TREM1: variants seen among roughly 807,000 people sequenced by gnomAD.
TREM1 encodes triggering receptor expressed on monocytes 1.
A neutral mutation model predicts 22.4 loss-of-function variants in TREM1; 16 were observed. That is an observed-to-expected ratio of 0.71 (90% confidence interval 0.48 to 1.08). The LOEUF is 1.08. Ranked by LOEUF, TREM1 falls within the 50% of genes least tolerant of loss-of-function variation. The pLI is 0.00. For synonymous variants in TREM1, 110 were observed against 111.6 expected (o/e 0.99, Z 0.09); for missense variants, 283 against 282.9 (o/e 1.00, Z 0.00).
At chr6:41,270,916 G>A (rs1158185155), downstream of TREM1, among the ~76,000 whole-genome samples, 1 of 152,154 alleles carries the variant, frequency 6.6e-6, no homozygotes, top group East Asian at 1.9e-4. Context: ...ATGTTGCCCA[G>A]ACTGGTCTCG....
At chr6:41,277,072 T>TAAA (rs3842496) in intron 3 of TREM1, among the ~76,000 whole-genome samples, 31 of 147,688 alleles carry the variant, frequency 2.1e-4, no homozygotes, top group African/African-American at 7.5e-4. Flanking sequence ...TTAAATAAAA[T>TAAA]AAAAAAAAAA....
At chr6:41,267,591 TAA>T (rs372548135), downstream of TREM1, among the ~76,000 whole-genome samples, 994 of 151,836 alleles carry the variant, frequency 6.5e-3, 15 homozygotes, top group African/African-American at 0.023. Context: ...TAGTAAAGAT[TAA>T]AAAAAACACA....
chr6:41,276,058 C>G lies in TREM1; in HGVS notation c.*67G>C. 1 of 1,230,184 alleles carries G rather than the reference C, an allele frequency of 8.1e-7. No homozygotes were observed. Among genetic ancestry groups the G allele is most frequent in the Non-Finnish European group, 1.2e-6 (1 of 830,894 alleles). 76.2% of individuals were successfully genotyped at this position (1,230,184 alleles called of 1,614,324 possible). A position where few individuals can be genotyped will look rare whatever the true frequency, so the allele number is the denominator to read the frequency against. On this transcript the variant is annotated 3_prime_UTR_variant, in exon 4 of 4. Transcript: ENST00000244709. ...CTCCCTGCCTTTTACCTCCTCCCTC[C>G]TCCCTTGGCACAACTGCCAGATGGA...
chr6:41,267,732 A>G (rs1022171474), downstream of TREM1, among the ~76,000 whole-genome samples: 3 of 152,204 alleles, frequency 2.0e-5, no homozygotes, highest in African/African-American at 7.2e-5. Context: ...ATCTCTATAC[A>G]TAAAAATACA....
intron 3 of TREM1, chr6:41,279,761 A>G (rs1318357090): frequency 4.1e-6 from 4 of 985,490 alleles, no homozygotes; most frequent in Non-Finnish European, 3.6e-6. Context: ...GCCTGCCATG[A>G]CACTGCTTTA....
intron 3 of TREM1, among the ~76,000 whole-genome samples, chr6:41,279,298 T>C (rs1030288875): frequency 2.6e-5 from 4 of 152,234 alleles, no homozygotes; most frequent in Non-Finnish European, 5.9e-5. Context: ...GCCACTTGCG[T>C]GGGGCCACTT....
chr6:41,276,417 C>A (rs564924196), intron 3 of TREM1, among the ~76,000 whole-genome samples, 187 bp from the exon 4 acceptor site: 1 of 152,256 alleles, frequency 6.6e-6, no homozygotes, highest in South Asian at 2.1e-4. Flanking sequence ...AGAAACAATT[C>A]AGTGGAGAGT....
Position 41,280,691 on chromosome 6 carries a change from G to A in TREM1, c.599+270C>T, listed in dbSNP as rs1020760799. The A allele has an allele frequency of 2.1e-6, 3 of 1,421,288 alleles. No individual in the cohort carries two copies. In the African/African-American group the frequency reaches 4.3e-5, roughly 20 times the overall value. 88.0% of individuals were successfully genotyped at this position (1,421,288 alleles called of 1,614,324 possible). On this transcript the variant is annotated intron_variant, in intron 3 of 3. Transcript: ENST00000244709. The stretch of plus-strand genomic sequence containing the variant: ...GTTGGATGAGCTCCACTGGAACTTG[G>A]GGAAGATGCCATTTCCCTCTCTTTA...
intron 2 of TREM1, chr6:41,281,419 G>A (rs1767916623): frequency 4.6e-6 from 2 of 433,208 alleles, no homozygotes; most frequent in Admixed American, 4.1e-5. Flanking sequence ...AAGTGAGGGA[G>A]AGCAGAAAGA....
downstream of TREM1, among the ~76,000 whole-genome samples, chr6:41,268,832 G>T (rs1391273732): frequency 2.6e-5 from 4 of 152,206 alleles, no homozygotes; most frequent in Non-Finnish European, 5.9e-5. Flanking sequence ...AGCAGTGGGT[G>T]ATGGACCTGC....
chr6:41,281,057 C>G lies in TREM1; in HGVS notation c.503G>C (p.Ser168Thr). ...TTKALCPLYT[S>T]PRTVTQAPPK... Reference sequence around the variant, plus strand: ...TGGAGCTTGGGTCACAGTTCTGGGGCTGGTATAGAGTGGGCACAAGGCCTT... The same window carrying G: ...TGGAGCTTGGGTCACAGTTCTGGGGGTGGTATAGAGTGGGCACAAGGCCTT... The change falls in exon 3 of 4, where the codon AGC becomes ACC. Residue 168 changes from serine to threonine, a missense_variant. Transcript: ENST00000244709. 6.2e-7 allele frequency: 1 copy of G among 1,614,162 alleles called. No individual in the cohort carries two copies. Among genetic ancestry groups the G allele is most frequent in the Non-Finnish European group, 8.5e-7 (1 of 1,180,038 alleles).
In TREM1 at chr6:41,286,617, G is replaced by C. The variant is rs777678276; in HGVS notation, c.39C>G (p.Leu13=). The C allele has an allele frequency of 1.2e-6, 2 of 1,613,966 alleles. No individual in the cohort carries two copies. The highest frequency in any genetic ancestry group is 1.7e-5 in the Admixed American group (1 of 59,998). The change falls in exon 1 of 4, where the codon CTC becomes CTG. Residue 13 remains leucine (L), a synonymous_variant. Coordinates refer to ENST00000244709, the MANE Select transcript of TREM1 (RefSeq NM_018643.5). The stretch of plus-strand genomic sequence containing the variant: ...TCTTCCTTGTCTTACCTGAGACAAA[G>C]AGCATCCACAGCAGCCCCCAGAGCC... ...KTRLWGLLWM[L]FVSELRAATK...
downstream of TREM1, among the ~76,000 whole-genome samples, chr6:41,271,707 T>C (rs2113969787): frequency 6.6e-6 from 1 of 152,364 alleles, no homozygotes; most frequent in African/African-American, 2.4e-5. Flanking sequence ...CTCCAGCTTC[T>C]GTTTCATCGC....
intron 3 of TREM1, among the ~76,000 whole-genome samples, chr6:41,276,565 T>C (rs1009415373): frequency 4.6e-5 from 7 of 152,200 alleles, no homozygotes; most frequent in African/African-American, 1.7e-4. Flanking sequence ...CCCTGCCTAC[T>C]GGGATGGTCA....
chr6:41,286,531 G>A lies in TREM1; in HGVS notation c.49+76C>T, dbSNP rs539800568. ...TCTATCTTGGATGGCCCTGTGCTCT[G>A]AAGCTTCAACAGAAAAGGGCTCCCC... On this transcript the variant is annotated intron_variant, in intron 1 of 3. Coordinates refer to ENST00000244709, the MANE Select transcript of TREM1 (RefSeq NM_018643.5). 44 of 1,545,282 alleles carry A rather than the reference G, an allele frequency of 2.8e-5. No homozygotes were observed. In the South Asian group the frequency reaches 4.3e-4, roughly 15 times the overall value.
intron 1 of TREM1, 73 bp downstream of exon 1, chr6:41,286,534 G>T: frequency 6.4e-7 from 1 of 1,554,346 alleles, no homozygotes. Flanking sequence ...GTGCTCTGAA[G>T]CTTCAACAGA....
At position 41,286,634 on chromosome 6, in the gene TREM1, C is replaced by T; in HGVS notation, c.22G>A (p.Gly8Arg). Residue 8 changes from glycine to arginine, a missense_variant, in exon 1 of 4, where the codon GGG becomes AGG. By Grantham distance (125) the Gly-to-Arg change is moderately radical. Transcript: ENST00000244709. ...GAGACAAAGAGCATCCACAGCAGCCCCCAGAGCCTGGTCTTCCTCATCCTT... is the reference window on the plus strand; with the variant it reads ...GAGACAAAGAGCATCCACAGCAGCCTCCAGAGCCTGGTCTTCCTCATCCTT... MRKTRLW[G>R]LLWMLFVSEL... 1 of 1,614,086 alleles carries T rather than the reference C, an allele frequency of 6.2e-7. No individual in the cohort carries two copies. Among genetic ancestry groups the T allele is most frequent in the Non-Finnish European group, 8.5e-7 (1 of 1,179,986 alleles).
chr6:41,282,794 TTCTC>T, intron 1 of TREM1, 43 bp from the exon 2 acceptor site: 3 of 1,533,034 alleles, frequency 2.0e-6, no homozygotes, highest in Non-Finnish European at 1.8e-6. Context: ...GGAATTATTT[TTCTC>T]TCTCTGAGTG....
downstream of TREM1, among the ~76,000 whole-genome samples, chr6:41,270,446 AATATATATATATAT>A (rs68021402): frequency 2.3e-4 from 33 of 144,006 alleles, no homozygotes; most frequent in Non-Finnish European, 1.2e-4. Context: ...GATATTATAT[AATATATATATATAT>A]ATATATATAT....
Sources: allele counts gnomAD v4.1 joint callset (sites outside exome capture counted in the v4.1 genomes callset), GRCh38; gene constraint gnomAD v4.1.1; transcripts MANE v1.5; gene names NCBI Gene and HGNC (gene_info 2026-07-23, HGNC 2026-07-21).